The following FMO3 variants were observed in gnomAD, a reference collection of about 807,000 sequenced individuals.
FMO3 encodes the protein flavin-containing monooxygenase 3.
Under a neutral mutation model 39.4 loss-of-function variants are expected in FMO3, and 40 were observed. The observed-to-expected ratio is 1.02, with a 90% CI of 0.79 to 1.32. The LOEUF (loss-of-function observed/expected upper bound fraction) is 1.32, where lower values mean the gene tolerates loss of function less well. Ranked by LOEUF, FMO3 falls within the 40% of genes most tolerant of loss-of-function variation. The pLI, the probability that FMO3 is intolerant of heterozygous loss-of-function variation, is 0.00. For missense variants in FMO3, 680 were observed against 651.8 expected (o/e 1.04, Z -0.47); for synonymous variants, 219 against 228.8 (o/e 0.96, Z 0.39).
At chr1:171,106,886 C>A (rs1372170011) in intron 3 of FMO3, among the ~76,000 whole-genome samples, 4 of 152,106 alleles carry the variant, frequency 2.6e-5, no homozygotes, top group African/African-American at 7.2e-5. Context: ...ACTAAATTAT[C>A]CCACAGTTAT....
rs996915425 is a variant in FMO3 at position 171,107,672 on chromosome 1, T to G, written c.322-3T>G. ...GAGGGATTTCTTTCTGTATTTCTCT[T>G]AGACATTTGTATCCAGTGTAAATAA... On this transcript the variant is annotated splice_region_variant and splice_polypyrimidine_tract_variant and intron_variant, in intron 3 of 8. Transcript: ENST00000367755. 3 of 1,612,120 alleles carry G rather than the reference T, an allele frequency of 1.9e-6. No homozygotes were observed. Among genetic ancestry groups the G allele is most frequent in the Non-Finnish European group, 2.5e-6 (3 of 1,178,378 alleles).
intron 6 of FMO3, among the ~76,000 whole-genome samples, chr1:171,111,471 TCA>T (rs1259037445): frequency 6.6e-6 from 1 of 152,158 alleles, no homozygotes; most frequent in Non-Finnish European, 1.5e-5. Flanking sequence ...CTAGAGCCTC[TCA>T]GTCTTGGCCA....
intron 2 of FMO3, chr1:171,101,619 A>G: frequency 2.2e-6 from 1 of 462,922 alleles, no homozygotes; most frequent in South Asian, 1.6e-5. Flanking sequence ...TATAGTTGAA[A>G]CTGTTGGAGC....
intron 2 of FMO3, among the ~76,000 whole-genome samples, chr1:171,094,243 T>C (rs546951698): frequency 1.6e-4 from 24 of 152,314 alleles, no homozygotes; most frequent in African/African-American, 3.6e-4. Context: ...CATATGTTTA[T>C]TGGCCATTGG....
intron 2 of FMO3, among the ~76,000 whole-genome samples, chr1:171,099,093 C>T (rs965973978): frequency 2.0e-5 from 3 of 152,076 alleles, no homozygotes; most frequent in East Asian, 1.9e-4. Context: ...TTCTGGTATG[C>T]TGTGTCTTTG....
chr1:171,107,694 A>C lies in FMO3; in HGVS notation c.341A>C (p.Asn114Thr). 1 of 1,613,180 alleles carries C rather than the reference A, an allele frequency of 6.2e-7. No individual in the cohort carries two copies. The highest frequency in any genetic ancestry group is 1.1e-5 in the South Asian group (1 of 91,062). The change falls in exon 4 of 9, where the codon AAT becomes ACT. Residue 114 changes from asparagine to threonine, a missense_variant. Asn to Thr is a moderately conservative substitution (Grantham distance 65). Transcript: ENST00000367755. ...IQFKTFVSSV[N>T]KHPDFATTGQ... ...TCTTAGACATTTGTATCCAGTGTAAATAAACATCCTGATTTTGCAACTACT... is the reference window on the plus strand; with the variant it reads ...TCTTAGACATTTGTATCCAGTGTAACTAAACATCCTGATTTTGCAACTACT...
At chr1:171,108,043 A>T (rs1655727238) in intron 4 of FMO3, 36 bp from the exon 5 acceptor site, 1 of 1,609,658 alleles carries the variant, frequency 6.2e-7, no homozygotes, top group Admixed American at 1.7e-5. Flanking sequence ...TAAATATATG[A>T]CTCAAACTGC....
rs144905318 is a variant in FMO3 at position 171,099,443 on chromosome 1, T to G, written c.133-4342T>G. Reference sequence around the variant, plus strand: ...TTCAGATTAACACACTGGTGATTCTTAGGGCTTTTTGGTTGTTGTTATTTT... The same window carrying G: ...TTCAGATTAACACACTGGTGATTCTGAGGGCTTTTTGGTTGTTGTTATTTT... On this transcript the variant is annotated intron_variant, in intron 2 of 8. Coordinates refer to ENST00000367755, the MANE Select transcript of FMO3 (RefSeq NM_001002294.3). Among the ~76,000 whole-genome samples, 456 of 152,286 alleles carry G rather than the reference T, an allele frequency of 3.0e-3. 1 individual carries two copies. The highest frequency in any genetic ancestry group is 8.2e-3 in the African/African-American group (341 of 41,572).
At position 171,110,818 on chromosome 1, in the gene FMO3, T is replaced by TG; in HGVS notation, c.650dup (p.Ser218LeufsTer36). On this transcript the variant is annotated frameshift_variant, in exon 6 of 9. Coordinates refer to ENST00000367755, the MANE Select transcript of FMO3 (RefSeq NM_001002294.3). LOFTEE classifies it high-confidence loss of function. The stretch of plus-strand genomic sequence containing the variant: ...TTAAGGTCATGATCAGTTCCAGAAG[T>TG]GGCTCCTGGGTGATGAGCCGGGTCT... 1.2e-6 allele frequency: 2 copies of TG among 1,613,914 alleles called. No individual in the cohort carries two copies. The highest frequency in any genetic ancestry group is 8.5e-7 in the Non-Finnish European group (1 of 1,179,818).
At chr1:171,107,949 A>G in intron 4 of FMO3, 112 bp downstream of exon 4, 1 of 1,349,030 alleles carries the variant, frequency 7.4e-7, no homozygotes, top group South Asian at 1.2e-5. Context: ...TACTTCTGTT[A>G]TATCTAATAT....
intron 8 of FMO3, among the ~76,000 whole-genome samples, chr1:171,116,496 A>G (rs1300302288): frequency 6.6e-6 from 1 of 152,212 alleles, no homozygotes; most frequent in Non-Finnish European, 1.5e-5. Context: ...AGAGTAAATA[A>G]TAGGATTGAG....
At chr1:171,099,759 C>CTTTTTTTTTTTTTTTTTTTTTTTTTTTT (rs747274398) in intron 2 of FMO3, 7 of 117,612 alleles carry the variant, frequency 6.0e-5, no homozygotes, top group African/African-American at 9.7e-5. Context: ...CCATGTCTTT[C>CTTTTTTTTTTTTTTTTTTTTTTTTTTTT]TTTTTTTTTT....
At chr1:171,093,085 T>A (rs1414368669) in intron 2 of FMO3, among the ~76,000 whole-genome samples, 2 of 151,896 alleles carry the variant, frequency 1.3e-5, no homozygotes, top group East Asian at 3.9e-4. Context: ...TATGTAGTTA[T>A]AATTATTTAC....
chr1:171,106,443 G>A (rs567174503), intron 3 of FMO3, among the ~76,000 whole-genome samples: 2 of 152,216 alleles, frequency 1.3e-5, no homozygotes, highest in African/African-American at 4.8e-5. Context: ...CCTGGTCTTA[G>A]AAATTTTGTA....
At chr1:171,104,684 G>A (rs1247666680) in intron 3 of FMO3, among the ~76,000 whole-genome samples, 1 of 152,034 alleles carries the variant, frequency 6.6e-6, no homozygotes, top group African/African-American at 2.4e-5. Flanking sequence ...AACTAGCCTG[G>A]GTGACATGGA....
At chr1:171,110,661 C>T in intron 5 of FMO3, 137 bp from the exon 6 acceptor site, 1 of 795,846 alleles carries the variant, frequency 1.3e-6, no homozygotes, top group South Asian at 1.5e-5. Context: ...AAAGGACTGA[C>T]AGCTGAGAGA....
At chr1:171,096,043 TATATA>T (rs1654991993) in intron 2 of FMO3, among the ~76,000 whole-genome samples, 1 of 56,558 alleles carries the variant, frequency 1.8e-5, no homozygotes, top group African/African-American at 1.1e-4. Flanking sequence ...ATATATATTA[TATATA>T]AATATATAAT....
chr1:171,096,040 TTA>T (rs1557933052), intron 2 of FMO3, among the ~76,000 whole-genome samples: 2 of 62,894 alleles, frequency 3.2e-5, no homozygotes, highest in Non-Finnish European at 5.0e-5. Context: ...ATAATATATA[TTA>T]TATATAAATA....
intron 1 of FMO3, 52 bp downstream of exon 1, chr1:171,091,033 C>T (rs1654676275): frequency 6.6e-6 from 1 of 152,166 alleles, no homozygotes; most frequent in African/African-American, 2.4e-5. Context: ...TGAGACCAGC[C>T]TGACCAACAT....
Sources: gnomAD v4.1 joint callset for allele counts (sites outside exome capture counted in the v4.1 genomes callset) on GRCh38, gnomAD v4.1.1 for gene constraint, MANE v1.5 for transcripts, NCBI Gene and HGNC (gene_info 2026-07-23, HGNC 2026-07-21) for gene names.